Variants in HIVEP2 observed in about 807,000 individuals in gnomAD.
HIVEP2 encodes the protein HIVEP zinc finger 2.
Under a neutral mutation model 180.7 loss-of-function variants are expected in HIVEP2, and 14 were observed. The observed-to-expected ratio is 0.08, with a 90% CI of 0.05 to 0.12. HIVEP2 has a LOEUF of 0.12. Among genes scored for constraint, HIVEP2 ranks in the 10% least tolerant of loss-of-function variants. The probability of loss-of-function intolerance (pLI) is 1.00; values close to 1 mark genes in which losing one functional copy is unlikely to be tolerated. For missense variants in HIVEP2, 2,579 were observed against 3,008.5 expected, an observed-to-expected ratio of 0.86 and a Z score of 3.34; for synonymous variants, 1,184 against 1,136.4, an observed-to-expected ratio of 1.04 and a Z score of -0.84.
chr6:142,926,937 T>C (rs1157201646), intron 1 of HIVEP2, among the ~76,000 whole-genome samples: 1 of 151,926 alleles, frequency 6.6e-6, no homozygotes, highest in Non-Finnish European at 1.5e-5. Context: ...GTCATTGCAT[T>C]CATGCTCCCT....
chr6:142,761,477 T>A lies in HIVEP2; in HGVS notation c.5607A>T (p.Glu1869Asp). The change falls in exon 8 of 10, where the codon GAA (glutamate) becomes GAT (aspartate). Residue 1869 changes from glutamate (E) to aspartate (D), a missense_variant. Physicochemically the swap from Glu to Asp is conservative, Grantham distance 45 (BLOSUM62 2). This residue lies in a region of HIVEP2 where 660 missense variants were observed against 731.7 expected (regional missense o/e 0.90). Coordinates refer to ENST00000367603, the MANE Select transcript of HIVEP2 (RefSeq NM_006734.4). ...TGACATACACACCTGCTTCCTCAGT[T>A]TCTGTATCATCCACCGATGTCATTG... ...GVSMTSVDDT[E>D]TEEAENLEDL... The A allele has an allele frequency of 6.3e-7, 1 of 1,585,844 alleles. No individual in the cohort carries two copies. The highest frequency in any genetic ancestry group is 8.7e-7 in the Non-Finnish European group (1 of 1,154,292).
chr6:142,790,495 T>C (rs1776111751), intron 2 of HIVEP2, among the ~76,000 whole-genome samples: 1 of 152,234 alleles, frequency 6.6e-6, no homozygotes, highest in Non-Finnish European at 1.5e-5. Context: ...TGTATTTGAC[T>C]ACCATACTCT....
intron 1 of HIVEP2, among the ~76,000 whole-genome samples, chr6:142,917,764 C>T (rs768951079): frequency 4.6e-5 from 7 of 152,022 alleles, no homozygotes; most frequent in Non-Finnish European, 8.8e-5. Context: ...TTCTCAAAAT[C>T]ATAATATGCT....
chr6:142,864,373 A>G (rs1230257246), intron 1 of HIVEP2, among the ~76,000 whole-genome samples: 1 of 152,152 alleles, frequency 6.6e-6, no homozygotes, highest in Non-Finnish European at 1.5e-5. Context: ...GTGTTCCTCA[A>G]CATCACAGCT....
intron 1 of HIVEP2, among the ~76,000 whole-genome samples, chr6:142,846,700 T>C (rs1474717904): frequency 6.6e-6 from 1 of 152,230 alleles, no homozygotes; most frequent in Non-Finnish European, 1.5e-5. Flanking sequence ...CTGATTCTTC[T>C]ACCAGGAGAG....
intron 2 of HIVEP2, among the ~76,000 whole-genome samples, chr6:142,793,555 C>T (rs1243883125): frequency 1.3e-5 from 2 of 152,050 alleles, no homozygotes; most frequent in Non-Finnish European, 2.9e-5. Context: ...TAAAAAGGAA[C>T]TCCATGTTTT....
rs11970139 is a variant in HIVEP2 at position 142,873,181 on chromosome 6, G to A, written c.-640-36134C>T. On this transcript the variant is annotated intron_variant, in intron 1 of 9. Coordinates refer to ENST00000367603, the MANE Select transcript of HIVEP2 (RefSeq NM_006734.4). ...CTGCCTTCAACACTCAGCAGTATAT[G>A]TACCAAGAGCTCTCCAGCTCTCCTG... Among the ~76,000 whole-genome samples, 1,180 of 152,306 alleles carry A rather than the reference G, an allele frequency of 7.7e-3. 9 individuals are homozygous for A. Among genetic ancestry groups the A allele is most frequent in the African/African-American group, 0.026 (1,090 of 41,570 alleles).
intron 2 of HIVEP2, among the ~76,000 whole-genome samples, chr6:142,828,313 G>A (rs999326164): frequency 2.0e-5 from 3 of 152,126 alleles, no homozygotes; most frequent in Non-Finnish European, 4.4e-5. Flanking sequence ...CCCAGACAAA[G>A]TGTTTTCCCC....
chr6:142,891,442 T>C (rs1052582681), intron 1 of HIVEP2, among the ~76,000 whole-genome samples: 9 of 151,174 alleles, frequency 6.0e-5, no homozygotes, highest in African/African-American at 2.2e-4. Flanking sequence ...AATTTAATAA[T>C]TTTAAAAAGT....
intron 1 of HIVEP2, among the ~76,000 whole-genome samples, chr6:142,927,078 G>A (rs958504565): frequency 6.6e-6 from 1 of 151,664 alleles, no homozygotes; most frequent in Non-Finnish European, 1.5e-5. Context: ...TCCGTCCCCG[G>A]CCGGCCCAGC....
chr6:142,796,637 A>G (rs552928), intron 2 of HIVEP2, among the ~76,000 whole-genome samples: 88,313 of 152,032 alleles, frequency 0.58, 27,006 homozygotes, highest in Non-Finnish European at 0.68. Flanking sequence ...TAAGCAATCC[A>G]GCTTTTTCTA....
At chr6:142,896,058 C>T (rs1776982189) in intron 1 of HIVEP2, among the ~76,000 whole-genome samples, 1 of 152,080 alleles carries the variant, frequency 6.6e-6, no homozygotes, top group Non-Finnish European at 1.5e-5. Flanking sequence ...AAGAGATAAG[C>T]TAAAACTTAG....
At chr6:142,945,327 C>A, upstream of HIVEP2, 1 of 152,472 alleles carries the variant, frequency 6.6e-6, no homozygotes, top group Non-Finnish European at 1.5e-5. This position sits in a 1 kb window ranked among gnomAD's most constrained non-coding sequence, Gnocchi z 5.5. Context: ...CGGTCTCCCC[C>A]ATCCCCGCCC....
rs1054661009 is a variant in HIVEP2, at chr6:142,770,527, G to A, written c.4212C>T (p.Tyr1404=). Residue 1404 remains tyrosine, a synonymous_variant, in exon 5 of 10, where the codon TAC becomes TAT. Transcript: ENST00000367603. The surrounding 1 kb of genome is among the most constrained non-coding windows in gnomAD (Gnocchi z 4.7). ...VLGQHAGLEK[Y]PIWKAPQTLP... ...AAGTCTGAGGTGCTTTCCAAATGGG[G>A]TACTTCTCCAAGCCCGCATGCTGCC... 18 of 1,614,040 alleles carry A rather than the reference G, an allele frequency of 1.1e-5. No homozygotes were observed. The highest frequency in any genetic ancestry group is 1.2e-5 in the Non-Finnish European group (14 of 1,180,040).
chr6:142,815,876 C>T (rs1170120313), intron 2 of HIVEP2, among the ~76,000 whole-genome samples: 1 of 152,162 alleles, frequency 6.6e-6, no homozygotes, highest in Non-Finnish European at 1.5e-5. Context: ...TCTTTTGTGC[C>T]ATCTGGTAAA....
intron 1 of HIVEP2, among the ~76,000 whole-genome samples, chr6:142,926,877 G>A (rs369142259): frequency 2.0e-5 from 3 of 151,990 alleles, no homozygotes; most frequent in African/African-American, 4.8e-5. Context: ...CCGGCAGGAA[G>A]GGGGGAGGCC....
intron 1 of HIVEP2, among the ~76,000 whole-genome samples, chr6:142,841,986 T>G (rs1775378226): frequency 6.6e-6 from 1 of 152,138 alleles, no homozygotes; most frequent in Admixed American, 6.5e-5. Context: ...AAATCCTATC[T>G]TAAATAAAAT....
At chr6:142,884,462 T>A (rs902972227) in intron 1 of HIVEP2, among the ~76,000 whole-genome samples, 1 of 149,134 alleles carries the variant, frequency 6.7e-6, no homozygotes, top group African/African-American at 2.5e-5. Flanking sequence ...AATTGTCATT[T>A]AAAAAAAAAA....
intron 1 of HIVEP2, among the ~76,000 whole-genome samples, chr6:142,882,927 C>A (rs953075147): frequency 6.6e-6 from 1 of 152,104 alleles, no homozygotes; most frequent in South Asian, 2.1e-4. Flanking sequence ...AACTCCATCA[C>A]CTGCACTGAC....
Sources: allele counts gnomAD v4.1 joint callset (sites outside exome capture counted in the v4.1 genomes callset), GRCh38; gene constraint gnomAD v4.1.1; regional missense constraint gnomAD v4.1.1; non-coding constraint Gnocchi (gnomAD v3.1); transcripts MANE v1.5; gene names NCBI Gene and HGNC (gene_info 2026-07-23, HGNC 2026-07-21).